The following RBMS3 variants were observed in gnomAD, a reference collection of about 807,000 sequenced individuals.
RBMS3 encodes RNA binding motif single stranded interacting protein 3.
Under a neutral mutation model 66.8 loss-of-function variants are expected in RBMS3, and 27 were observed. The ratio of observed to expected loss-of-function variants is 0.40; its 90% CI spans 0.30 to 0.56. The LOEUF is 0.56. RBMS3 is among the 20% of genes least tolerant of loss of function. RBMS3 has a pLI of 0.40. For missense variants in RBMS3, 513 were observed against 549.5 expected (o/e 0.93, Z 0.66); for synonymous variants, 188 against 183.0 (o/e 1.03, Z -0.22).
chr3:29,650,557 T>C (rs1024307187), intron 4 of RBMS3, among the ~76,000 whole-genome samples: 2 of 152,134 alleles, frequency 1.3e-5, no homozygotes, highest in African/African-American at 4.8e-5. Context: ...CCCTCCAAAG[T>C]GCTAGGATTA....
At chr3:29,903,102 T>C (rs898552061) in intron 10 of RBMS3, 1 of 151,974 alleles carries the variant, frequency 6.6e-6, no homozygotes, top group African/African-American at 2.4e-5. Context: ...GTACATTTAA[T>C]TTTCTAAGTA....
At chr3:29,924,642 C>T (rs2060883293) in intron 10 of RBMS3, 1 of 151,968 alleles carries the variant, frequency 6.6e-6, no homozygotes, top group Admixed American at 6.6e-5. Flanking sequence ...TCAAGACCAT[C>T]CTGATCAACA....
At chr3:29,365,174 C>T (rs1379223208) in intron 1 of RBMS3, among the ~76,000 whole-genome samples, 1 of 151,972 alleles carries the variant, frequency 6.6e-6, no homozygotes, top group African/African-American at 2.4e-5. Context: ...TCAATTTTCA[C>T]ATAGATTTTG....
At chr3:29,742,534 A>C (rs1197973031) in intron 5 of RBMS3, among the ~76,000 whole-genome samples, 2 of 152,178 alleles carry the variant, frequency 1.3e-5, no homozygotes, top group African/African-American at 4.8e-5. Context: ...CTCTCAGGCA[A>C]TGGCTTAAAC....
At chr3:29,598,930 A>G (rs370517068) in intron 4 of RBMS3, among the ~76,000 whole-genome samples, 3 of 152,242 alleles carry the variant, frequency 2.0e-5, no homozygotes, top group Non-Finnish European at 4.4e-5. Context: ...GCTAAGGAGC[A>G]AAGAGAACTA....
chr3:29,727,058 A>G lies in RBMS3; in HGVS notation c.400-12662A>G, dbSNP rs532665871. Reference sequence around the variant, plus strand: ...ACAGAACAGAGGCCTCAGAAATAACACCACACATCTACAACCATCTGATCT... The same window carrying G: ...ACAGAACAGAGGCCTCAGAAATAACGCCACACATCTACAACCATCTGATCT... On this transcript the variant is annotated intron_variant, in intron 4 of 14. Coordinates refer to ENST00000383767, the MANE Select transcript of RBMS3 (RefSeq NM_001003793.3). Among the ~76,000 whole-genome samples the G allele has an allele frequency of 9.0e-4, 137 of 152,148 alleles. 2 individuals are homozygous for G. The South Asian group carries it at 0.022, about 24-fold the overall frequency.
At chr3:29,540,634 C>T (rs1455569386) in intron 3 of RBMS3, among the ~76,000 whole-genome samples, 1 of 152,138 alleles carries the variant, frequency 6.6e-6, no homozygotes, top group African/African-American at 2.4e-5. Flanking sequence ...TTATAATCCT[C>T]CTCGTACAGA....
At chr3:29,959,338 C>A (rs1696254254) in intron 12 of RBMS3, among the ~76,000 whole-genome samples, 1 of 152,144 alleles carries the variant, frequency 6.6e-6, no homozygotes, top group Admixed American at 6.6e-5. Context: ...ACTGTGATCC[C>A]AGTCTAGCAG....
chr3:29,377,307 C>G (rs903140563), intron 1 of RBMS3, among the ~76,000 whole-genome samples: 1 of 151,998 alleles, frequency 6.6e-6, no homozygotes, highest in African/African-American at 2.4e-5. Flanking sequence ...TGAACATGAG[C>G]GTGAACAGAG....
At chr3:29,410,264 A>C (rs1206051848) in intron 1 of RBMS3, among the ~76,000 whole-genome samples, 1 of 152,362 alleles carries the variant, frequency 6.6e-6, no homozygotes, top group South Asian at 2.1e-4. Flanking sequence ...AAGTGCCACC[A>C]CTGAACTGCT....
chr3:29,759,253 C>T (rs2055559002), intron 5 of RBMS3, among the ~76,000 whole-genome samples: 1 of 151,932 alleles, frequency 6.6e-6, no homozygotes, highest in Admixed American at 6.6e-5. Context: ...TGGTGTGTTT[C>T]AAATAACTGA....
intron 4 of RBMS3, among the ~76,000 whole-genome samples, chr3:29,599,524 C>T (rs1053724436): frequency 6.6e-6 from 1 of 151,926 alleles, no homozygotes; most frequent in Admixed American, 6.6e-5. Flanking sequence ...TAAGCAGATA[C>T]ATAAACTAAA....
At chr3:29,491,561 C>T (rs1207782704) in intron 3 of RBMS3, among the ~76,000 whole-genome samples, 1 of 151,892 alleles carries the variant, frequency 6.6e-6, no homozygotes, top group African/African-American at 2.4e-5. Context: ...GATATGAATA[C>T]TGGTCTCACC....
At chr3:29,375,215 G>A (rs563974253) in intron 1 of RBMS3, among the ~76,000 whole-genome samples, 1 of 152,234 alleles carries the variant, frequency 6.6e-6, no homozygotes, top group African/African-American at 2.4e-5. Context: ...ACTCAAGTCA[G>A]ATTAAAGACT....
chr3:29,903,629 T>C (rs2060306765), intron 10 of RBMS3, among the ~76,000 whole-genome samples: 1 of 151,990 alleles, frequency 6.6e-6, no homozygotes. Context: ...AAGATGATAA[T>C]TTTCAAGAGG....
At chr3:29,460,430 A>C (rs1269084775) in intron 2 of RBMS3, among the ~76,000 whole-genome samples, 1 of 152,196 alleles carries the variant, frequency 6.6e-6, no homozygotes, top group East Asian at 1.9e-4. Context: ...CCCAAAGTAA[A>C]ATGTATTTTT....
chr3:29,617,098 T>C (rs1013832909), intron 4 of RBMS3: 11 of 152,156 alleles, frequency 7.2e-5, no homozygotes, highest in Non-Finnish European at 1.5e-4. Context: ...GAAGACCACA[T>C]CAAAGTCACT....
rs151289048 is a variant in RBMS3, at chr3:29,741,082, G to A, written c.557+1205G>A. ...GAAAAACCATTCCAAACTAACTTCC[G>A]TTAACTCACTTTAGAAGATAACAAA... is the stretch of plus-strand genomic sequence containing the variant. On this transcript the variant is annotated intron_variant, in intron 5 of 14. Coordinates refer to ENST00000383767, the MANE Select transcript of RBMS3 (RefSeq NM_001003793.3). Among the ~76,000 whole-genome samples, 1,021 of 150,500 alleles carry A rather than the reference G, an allele frequency of 6.8e-3. 11 individuals are homozygous for A. Among genetic ancestry groups the A allele is most frequent in the African/African-American group, 0.021 (843 of 41,044 alleles).
intron 5 of RBMS3, among the ~76,000 whole-genome samples, chr3:29,760,520 G>C (rs891601301): frequency 2.0e-5 from 3 of 151,998 alleles, no homozygotes; most frequent in Admixed American, 6.6e-5. Flanking sequence ...TAGTAATTAA[G>C]GGCTTACATT....
Sources: allele counts gnomAD v4.1 joint callset (sites outside exome capture counted in the v4.1 genomes callset), GRCh38; gene constraint gnomAD v4.1.1; transcripts MANE v1.5; gene names NCBI Gene and HGNC (gene_info 2026-07-23, HGNC 2026-07-21).